The following GRIP2 variants were observed in gnomAD, a reference collection of about 807,000 sequenced individuals.
The protein encoded by GRIP2 is glutamate receptor-interacting protein 2.
GRIP2 carries 58 observed loss-of-function variants against 108.3 expected under a neutral mutation model. The ratio of observed to expected loss-of-function variants is 0.54; its 90% CI spans 0.43 to 0.67. The LOEUF (loss-of-function observed/expected upper bound fraction) is 0.67, where lower values mean the gene tolerates loss of function less well. Among genes scored for constraint, GRIP2 ranks in the 30% least tolerant of loss-of-function variants. The pLI is 0.00. For missense variants in GRIP2, 1,278 were observed against 1,430.6 expected (o/e 0.89, Z 1.72); for synonymous variants, 586 against 598.2 (o/e 0.98, Z 0.30).
At chr3:14,543,521 A>G (rs1695011332), upstream of GRIP2, among the ~76,000 whole-genome samples, 1 of 152,244 alleles carries the variant, frequency 6.6e-6, no homozygotes, top group Non-Finnish European at 1.5e-5. Context: ...GGCTCCTTCT[A>G]GGACATGAGA....
upstream of GRIP2, among the ~76,000 whole-genome samples, chr3:14,560,090 A>G (rs1318898158): frequency 2.0e-5 from 3 of 151,860 alleles, no homozygotes; most frequent in Non-Finnish European, 4.4e-5. Flanking sequence ...CTGTCTCTAT[A>G]ATTTTTTTTT....
At chr3:14,518,298 A>G (rs73031887) in intron 9 of GRIP2, among the ~76,000 whole-genome samples, 12,845 of 152,190 alleles carry the variant, frequency 0.084, 617 homozygotes, top group Middle Eastern at 0.14. Flanking sequence ...CACTTTGGGG[A>G]TATGCAGTGG....
chr3:14,532,869 T>A (rs1321769766), intron 1 of GRIP2, among the ~76,000 whole-genome samples: 1 of 152,220 alleles, frequency 6.6e-6, no homozygotes, highest in Non-Finnish European at 1.5e-5. Flanking sequence ...CCTGAGTCAG[T>A]GTTGCTGGTC....
chr3:14,602,659 G>A, the GRIP2 span, among the ~76,000 whole-genome samples: 1 of 151,500 alleles, frequency 6.6e-6, no homozygotes, highest in African/African-American at 2.4e-5. This position sits in a 1 kb window ranked among gnomAD's most constrained non-coding sequence, Gnocchi z 4.7. Context: ...GCCCTGCCCC[G>A]GGTCCCACAC....
chr3:14,495,849 TATAAA>T (rs1427043636), intron 22 of GRIP2, among the ~76,000 whole-genome samples: 3 of 152,134 alleles, frequency 2.0e-5, no homozygotes, highest in African/African-American at 7.2e-5. Flanking sequence ...GTGTATGAGA[TATAAA>T]ATAACTTAAG....
Position 14,507,684 on chromosome 3 carries a change from C to G in GRIP2, c.2095G>C (p.Val699Leu). The change falls in exon 18 of 24, where the codon GTG becomes CTG. Residue 699 changes from valine (V) to leucine (L), a missense_variant. Physicochemically the swap from Val to Leu is conservative, Grantham distance 32. Transcript: ENST00000621039. The surrounding 1 kb of genome is among the most constrained non-coding windows in gnomAD (Gnocchi z 4.6). ...GLAERTGAIH[V>L]GDRILAINNV... The stretch of plus-strand genomic sequence containing the variant: ...TTGATGGCCAGAATGCGGTCCCCCA[C>G]GTGGATGGCACCAGTCCTGAGGAGT... 1 of 1,613,962 alleles carries G rather than the reference C, an allele frequency of 6.2e-7. No individual in the cohort carries two copies. Among genetic ancestry groups the G allele is most frequent in the Non-Finnish European group, 8.5e-7 (1 of 1,179,858 alleles).
At position 14,507,962 on chromosome 3, in the gene GRIP2, G is replaced by A. The variant is rs760129889; in HGVS notation, c.2079-262C>T. ...GGAACCAGTGTCCAACACAGGTTTT[G>A]AGAATCCCACATACTAGCTGCCAAA... On this transcript the variant is annotated intron_variant, in intron 17 of 23. Transcript: ENST00000621039. The surrounding 1 kb of genome is among the most constrained non-coding windows in gnomAD (Gnocchi z 4.6). Among the ~76,000 whole-genome samples the A allele has an allele frequency of 1.1e-4, 16 of 152,368 alleles. No individual in the cohort carries two copies. The highest frequency in any genetic ancestry group is 1.8e-4 in the Non-Finnish European group (12 of 68,042).
At chr3:14,549,319 C>T (rs1695106583) in intron 1 of GRIP2, among the ~76,000 whole-genome samples, 1 of 152,226 alleles carries the variant, frequency 6.6e-6, no homozygotes, top group Admixed American at 6.5e-5. Context: ...GCAGCCCACC[C>T]TATTCCTGAA....
At chr3:14,540,464 T>TAAAGGGGA (rs1248981610), upstream of GRIP2, 2 of 1,523,202 alleles carry the variant, frequency 1.3e-6, no homozygotes, top group Non-Finnish European at 1.8e-6. The surrounding 1 kb of genome is among the most constrained non-coding windows in gnomAD (Gnocchi z 4.1). Flanking sequence ...GCTCTCTGCT[T>TAAAGGGGA]AAAGGGGACA....
At chr3:14,555,911 C>A (rs1019055450) in exon 1 of GRIP2, 16 of 399,632 alleles carry the variant, frequency 4.0e-5, no homozygotes, top group African/African-American at 2.7e-4. Context: ...TTTGAGACGC[C>A]GCCTCACCAC....
intron 21 of GRIP2, 111 bp downstream of exon 21, chr3:14,503,455 A>T: frequency 1.4e-6 from 1 of 734,652 alleles, no homozygotes; most frequent in Non-Finnish European, 2.3e-6. Flanking sequence ...GTGCATACGT[A>T]CACATTACAC....
At position 14,524,395 on chromosome 3, in the gene GRIP2, G is replaced by A; in HGVS notation, c.401C>T (p.Pro134Leu). The A allele has an allele frequency of 6.2e-7, 1 of 1,609,798 alleles. No individual in the cohort carries two copies. The highest frequency in any genetic ancestry group is 8.5e-7 in the Non-Finnish European group (1 of 1,178,524). Residue 134 changes from proline (P) to leucine (L), a missense_variant and splice_region_variant, in exon 4 of 24, where the codon CCC becomes CTC. Physicochemically the swap from Pro to Leu is moderately conservative, Grantham distance 98 (BLOSUM62 -3). Transcript: ENST00000621039. ...GTTCCCCGTCCAAGGGCACCCACCG[G>A]GCGGGGGCAGCTCATACTCCACCTC... ...VLEVEYELPP[P>L]APENNPRIIS...
the GRIP2 span, among the ~76,000 whole-genome samples, chr3:14,594,207 A>G: frequency 6.6e-6 from 1 of 152,060 alleles, no homozygotes; most frequent in Admixed American, 6.5e-5. Flanking sequence ...GTCTGTCCCT[A>G]TCCCTCTCCC....
chr3:14,534,852 T>C (rs567069098), intron 1 of GRIP2, among the ~76,000 whole-genome samples: 1 of 152,286 alleles, frequency 6.6e-6, no homozygotes, highest in African/African-American at 2.4e-5. Context: ...CTATTGAGCT[T>C]TGACAAAGGG....
chr3:14,525,665 A>G, intron 2 of GRIP2, 93 bp from the exon 3 acceptor site: 64 of 1,495,024 alleles, frequency 4.3e-5, no homozygotes, highest in Non-Finnish European at 5.7e-5. Context: ...CCTGGTTGGT[A>G]GGGCACTCTG....
the GRIP2 span, among the ~76,000 whole-genome samples, chr3:14,598,826 G>C: frequency 1.3e-5 from 2 of 151,970 alleles, no homozygotes; most frequent in South Asian, 4.2e-4. Context: ...ACCCCCTGAA[G>C]ACCAGGGCTT....
intron 1 of GRIP2, among the ~76,000 whole-genome samples, chr3:14,526,408 G>A (rs1694555535): frequency 6.6e-6 from 1 of 152,136 alleles, no homozygotes; most frequent in African/African-American, 2.4e-5. Context: ...CGCAGGCACA[G>A]CAGCTCATGT....
At chr3:14,594,334 G>T in the GRIP2 span, among the ~76,000 whole-genome samples, 1 of 152,236 alleles carries the variant, frequency 6.6e-6, no homozygotes, top group Admixed American at 6.5e-5. Context: ...GGGCTCTGGG[G>T]ATATGGATCA....
the GRIP2 span, among the ~76,000 whole-genome samples, chr3:14,575,666 GCAGCCTAGAGAACCCAC>G: frequency 8.5e-5 from 13 of 152,352 alleles, no homozygotes; most frequent in East Asian, 2.5e-3. Context: ...GCCGAGGCTG[GCAGCCTAGAGAACCCAC>G]CCTGAAGGTC....
Sources: allele counts gnomAD v4.1 joint callset (sites outside exome capture counted in the v4.1 genomes callset), GRCh38; gene constraint gnomAD v4.1.1; non-coding constraint Gnocchi (gnomAD v3.1); transcripts MANE v1.5; gene names NCBI Gene and HGNC (gene_info 2026-07-23, HGNC 2026-07-21).